Variants in CHEK2 observed in about 807,000 individuals in gnomAD.
The protein encoded by CHEK2 is serine/threonine-protein kinase Chk2.
CHEK2 carries 71 observed loss-of-function variants against 69.1 expected under a neutral mutation model. The ratio of observed to expected loss-of-function variants is 1.03; its 90% CI spans 0.85 to 1.25. CHEK2 has a LOEUF of 1.25. Ranked by LOEUF, CHEK2 falls within the 50% of genes most tolerant of loss-of-function variation. The probability of loss-of-function intolerance (pLI) is 0.00; values close to 1 mark genes in which losing one functional copy is unlikely to be tolerated. For synonymous variants in CHEK2, 189 were observed against 226.9 expected, an observed-to-expected ratio of 0.83 and a Z score of 1.50; for missense variants, 664 against 649.6, an observed-to-expected ratio of 1.02 and a Z score of -0.24.
intron 14 of CHEK2, among the ~76,000 whole-genome samples, chr22:28,688,292 A>C (rs928823315): frequency 6.6e-6 from 1 of 152,206 alleles, no homozygotes; most frequent in Non-Finnish European, 1.5e-5. Context: ...TAAAAGGACT[A>C]TAATACCTCT....
chr22:28,707,377 G>A (rs921032143), intron 7 of CHEK2, among the ~76,000 whole-genome samples: 6 of 152,108 alleles, frequency 3.9e-5, no homozygotes, highest in Non-Finnish European at 5.9e-5. Flanking sequence ...CTGAGGAAAC[G>A]GGGGCTCCAA....
chr22:28,716,346 G>A (rs1360837736), intron 5 of CHEK2, among the ~76,000 whole-genome samples: 2 of 151,684 alleles, frequency 1.3e-5, no homozygotes, highest in South Asian at 2.1e-4. Flanking sequence ...ACAGGCATGC[G>A]TCACCACACC....
intron 2 of CHEK2, among the ~76,000 whole-genome samples, chr22:28,730,209 A>G (rs2054155432): frequency 1.2e-4 from 2 of 16,698 alleles, no homozygotes; most frequent in Non-Finnish European, 2.4e-4. Flanking sequence ...GGAGAGAGGA[A>G]GAGAGAAGAG....
chr22:28,728,999 G>A (rs949254800), intron 2 of CHEK2, among the ~76,000 whole-genome samples: 3 of 151,828 alleles, frequency 2.0e-5, no homozygotes, highest in Admixed American at 1.3e-4. Context: ...AGAAACACAC[G>A]GCTGGCTTCA....
intron 14 of CHEK2, among the ~76,000 whole-genome samples, 167 bp downstream of exon 14, chr22:28,688,968 A>T (rs1413248438): frequency 3.3e-5 from 5 of 152,302 alleles, no homozygotes; most frequent in East Asian, 3.9e-4. Context: ...CTGCATTTTT[A>T]AATCTAAGGG....
At chr22:28,704,924 A>AT (rs1201474184) in intron 7 of CHEK2, among the ~76,000 whole-genome samples, 4 of 152,178 alleles carry the variant, frequency 2.6e-5, no homozygotes, top group African/African-American at 9.7e-5. Context: ...GTTATATAGC[A>AT]ATGAATGAAT....
rs548796284 is a variant in CHEK2, at chr22:28,695,151, C to T, written c.1351G>A (p.Val451Ile). The change falls in exon 12 of 15, where the codon GTC becomes ATC. Residue 451 changes from valine to isoleucine, a missense_variant. Physicochemically the swap from Val to Ile is conservative, Grantham distance 29. Coordinates refer to ENST00000404276, the MANE Select transcript of CHEK2 (RefSeq NM_007194.4). ...TSGKYNFIPE[V>I]WAEVSEKALD... is the part of the protein sequence containing the mutation. ...CCTTTCTCTGAGACTTCTGCCCAGA[C>T]TTCAGGAATGAAGTTGTATTTTCCA... 11 of 1,612,156 alleles carry T rather than the reference C, an allele frequency of 6.8e-6. No homozygotes were observed. The South Asian group carries it at 9.9e-5, about 14-fold the overall frequency.
chr22:28,708,621 G>C (rs1212412788), intron 7 of CHEK2, among the ~76,000 whole-genome samples: 1 of 151,912 alleles, frequency 6.6e-6, no homozygotes, highest in African/African-American at 2.4e-5. Flanking sequence ...TGAGGGATTT[G>C]GAGAGGTAGA....
intron 5 of CHEK2, among the ~76,000 whole-genome samples, chr22:28,718,662 G>T (rs947056849): frequency 1.3e-5 from 2 of 151,970 alleles, no homozygotes; most frequent in African/African-American, 4.8e-5. Flanking sequence ...TGGGTGGATT[G>T]CTTGAGCTTA....
At chr22:28,734,350 T>G (rs948074659) in intron 2 of CHEK2, 53 bp downstream of exon 2, 2 of 1,569,750 alleles carry the variant, frequency 1.3e-6, no homozygotes, top group Non-Finnish European at 1.7e-6. Context: ...AATACAACTT[T>G]CTGTAAGTGT....
intron 5 of CHEK2, among the ~76,000 whole-genome samples, 200 bp downstream of exon 5, chr22:28,719,195 C>T (rs1460869041): frequency 6.6e-6 from 1 of 151,746 alleles, no homozygotes; most frequent in Admixed American, 6.6e-5. Flanking sequence ...CACCCTGTCT[C>T]ACAAAGAAAT....
At chr22:28,701,110 C>T (rs1175285746) in intron 8 of CHEK2, among the ~76,000 whole-genome samples, 1 of 152,000 alleles carries the variant, frequency 6.6e-6, no homozygotes, top group African/African-American at 2.4e-5. Context: ...CTTTTATTAA[C>T]TGTGTTAACT....
At chr22:28,733,633 G>A (rs1190747137) in intron 2 of CHEK2, among the ~76,000 whole-genome samples, 1 of 151,928 alleles carries the variant, frequency 6.6e-6, no homozygotes. Context: ...AAACTTCCTG[G>A]AATAGATGGG....
At chr22:28,731,912 G>A (rs574806299) in intron 2 of CHEK2, among the ~76,000 whole-genome samples, 1 of 151,762 alleles carries the variant, frequency 6.6e-6, no homozygotes, top group South Asian at 2.1e-4. Flanking sequence ...AAACCTATAG[G>A]CCTATCTGAA....
chr22:28,690,050 G>C (rs1466481266), intron 13 of CHEK2, among the ~76,000 whole-genome samples: 1 of 152,160 alleles, frequency 6.6e-6, no homozygotes, highest in Non-Finnish European at 1.5e-5. Flanking sequence ...GCAGAATACA[G>C]ACCCAGAGTT....
intron 7 of CHEK2, 58 bp from the exon 8 acceptor site, chr22:28,703,624 C>T (rs1191211056): frequency 5.5e-6 from 6 of 1,095,908 alleles, no homozygotes; most frequent in African/African-American, 3.1e-5. Context: ...AGGAAAACCA[C>T]AAGAGCTTAG....
chr22:28,722,730 G>T (rs547084600), intron 4 of CHEK2, among the ~76,000 whole-genome samples: 1 of 152,040 alleles, frequency 6.6e-6, no homozygotes, highest in South Asian at 2.1e-4. Context: ...TGGTTAGATG[G>T]GGTCTCACCA....
intron 10 of CHEK2, 89 bp from the exon 11 acceptor site, chr22:28,695,962 C>G: frequency 9.8e-7 from 1 of 1,015,758 alleles, no homozygotes. Flanking sequence ...GACACGTAGG[C>G]TAGATCAGTT....
Position 28,699,767 on chromosome 22 carries a change from T to G in CHEK2, c.1008+71A>C. 2.8e-6 allele frequency: 3 copies of G among 1,067,138 alleles called. No homozygotes were observed. The South Asian group carries it at 3.7e-5, about 13-fold the overall frequency. 66.1% of individuals were successfully genotyped at this position (1,067,138 alleles called of 1,614,324 possible). On this transcript the variant is annotated intron_variant, in intron 9 of 14. Coordinates refer to ENST00000404276, the MANE Select transcript of CHEK2 (RefSeq NM_007194.4). Reference sequence around the variant, plus strand: ...GAGTTTTAATCCACGGTCCCTCGATTTCTGCCTAATTCAGGGAGTAATTCA... The same window carrying G: ...GAGTTTTAATCCACGGTCCCTCGATGTCTGCCTAATTCAGGGAGTAATTCA...
Sources: allele counts gnomAD v4.1 joint callset (sites outside exome capture counted in the v4.1 genomes callset), GRCh38; gene constraint gnomAD v4.1.1; transcripts MANE v1.5; gene names NCBI Gene and HGNC (gene_info 2026-07-23, HGNC 2026-07-21).